Variants in ZNF385B observed in about 807,000 individuals in gnomAD.
The protein encoded by ZNF385B is zinc finger protein 385B, also known as zinc finger protein 533.
Under a neutral mutation model 39.2 loss-of-function variants are expected in ZNF385B, and 23 were observed. That is an observed-to-expected ratio of 0.59 (90% CI 0.42 to 0.83). The LOEUF (loss-of-function observed/expected upper bound fraction) is 0.83. ZNF385B is among the 40% of genes least tolerant of loss of function. The pLI is 0.00. For missense variants in ZNF385B, 552 were observed against 598.9 expected, an observed-to-expected ratio of 0.92 and a Z score of 0.82; for synonymous variants, 205 against 222.6, an observed-to-expected ratio of 0.92 and a Z score of 0.70.
chr2:179,653,989 G>A (rs77179480), intron 3 of ZNF385B, among the ~76,000 whole-genome samples: 36 of 152,326 alleles, frequency 2.4e-4, no homozygotes, highest in African/African-American at 8.4e-4. Context: ...AGTTTTAATA[G>A]AGAAGGGTTA....
chr2:179,765,401 G>A (rs1187551812), intron 3 of ZNF385B, among the ~76,000 whole-genome samples: 1 of 152,182 alleles, frequency 6.6e-6, no homozygotes, highest in Admixed American at 6.5e-5. Context: ...ATTTGGGGTG[G>A]GTTGAGGAGG....
At chr2:179,662,127 T>A (rs569826075) in intron 3 of ZNF385B, among the ~76,000 whole-genome samples, 68 of 152,298 alleles carry the variant, frequency 4.5e-4, no homozygotes, top group Non-Finnish European at 7.1e-4. Context: ...TTTCAGATTG[T>A]CTTGCAAAGT....
At chr2:179,518,913 G>A (rs1004838819) in intron 4 of ZNF385B, among the ~76,000 whole-genome samples, 4 of 152,136 alleles carry the variant, frequency 2.6e-5, no homozygotes, top group African/African-American at 9.7e-5. Flanking sequence ...GTCTCTAGAA[G>A]GAGCCTTGAA....
intron 3 of ZNF385B, among the ~76,000 whole-genome samples, chr2:179,566,193 A>ACTCT (rs1684557033): frequency 1.3e-5 from 2 of 152,250 alleles, no homozygotes; most frequent in Non-Finnish European, 2.9e-5. Flanking sequence ...GATTATGAGA[A>ACTCT]TTACAGAAAC....
At chr2:179,707,573 AG>A (rs2106376855) in intron 3 of ZNF385B, among the ~76,000 whole-genome samples, 1 of 152,360 alleles carries the variant, frequency 6.6e-6, no homozygotes, top group African/African-American at 2.4e-5. Context: ...CCAGCATGAA[AG>A]ACACTATCTT....
intron 3 of ZNF385B, among the ~76,000 whole-genome samples, chr2:179,580,987 G>C (rs1686445151): frequency 6.6e-6 from 1 of 152,174 alleles, no homozygotes; most frequent in Non-Finnish European, 1.5e-5. Flanking sequence ...ATGGGGTTCA[G>C]TATAAACTAC....
intron 3 of ZNF385B, among the ~76,000 whole-genome samples, chr2:179,717,902 G>T (rs1700434208): frequency 7.2e-6 from 1 of 139,018 alleles, no homozygotes; most frequent in South Asian, 2.4e-4. Context: ...TACATCATAT[G>T]TTGTTTATTA....
chr2:179,518,245 A>G (rs540445896), intron 5 of ZNF385B, among the ~76,000 whole-genome samples: 1 of 152,270 alleles, frequency 6.6e-6, no homozygotes, highest in South Asian at 2.1e-4. Context: ...TAAAATTTGT[A>G]TTATTTTTTA....
intron 5 of ZNF385B, among the ~76,000 whole-genome samples, chr2:179,487,830 T>A (rs1400933903): frequency 6.6e-6 from 1 of 152,168 alleles, no homozygotes; most frequent in East Asian, 1.9e-4. Context: ...CCCAAACCAC[T>A]ACACTGACCT....
At chr2:179,445,003 G>A in intron 8 of ZNF385B, 26 bp from the exon 9 acceptor site, 6 of 1,585,188 alleles carry the variant, frequency 3.8e-6, no homozygotes, top group Non-Finnish European at 5.2e-6. Context: ...GCATTAGCTG[G>A]ACTGAAATGT....
chr2:179,446,477 T>G, intron 7 of ZNF385B, 48 bp downstream of exon 7: 1 of 1,561,868 alleles, frequency 6.4e-7, no homozygotes, highest in African/African-American at 1.4e-5. Context: ...ATGGGAAAAG[T>G]TGGGTTTTGT....
intron 6 of ZNF385B, among the ~76,000 whole-genome samples, chr2:179,465,732 T>A (rs772770692): frequency 6.6e-6 from 1 of 152,200 alleles, no homozygotes; most frequent in Non-Finnish European, 1.5e-5. Context: ...TTTACTGATC[T>A]TGACCATTCT....
chr2:179,622,057 T>C (rs1280067355), intron 3 of ZNF385B, among the ~76,000 whole-genome samples: 4 of 152,102 alleles, frequency 2.6e-5, no homozygotes, highest in Non-Finnish European at 5.9e-5. Flanking sequence ...AAGTTACAGC[T>C]CCTCAGCCTG....
chr2:179,534,040 C>T (rs2059417065), intron 4 of ZNF385B, among the ~76,000 whole-genome samples: 1 of 152,316 alleles, frequency 6.6e-6, no homozygotes, highest in Non-Finnish European at 1.5e-5. Flanking sequence ...CCAAATTCAG[C>T]GGCAGCACCT....
At chr2:179,516,776 T>A (rs2058117267) in intron 5 of ZNF385B, among the ~76,000 whole-genome samples, 1 of 152,114 alleles carries the variant, frequency 6.6e-6, no homozygotes, top group African/African-American at 2.4e-5. Context: ...GTCCAATATA[T>A]CAATATTCAC....
intron 3 of ZNF385B, among the ~76,000 whole-genome samples, chr2:179,627,703 CA>C (rs1467293966): frequency 6.6e-6 from 1 of 152,142 alleles, no homozygotes; most frequent in African/African-American, 2.4e-5. Context: ...TACTACAAAT[CA>C]GGGCTTTTTT....
intron 3 of ZNF385B, among the ~76,000 whole-genome samples, chr2:179,714,937 T>A (rs1436482753): frequency 2.2e-5 from 1 of 45,654 alleles, no homozygotes; most frequent in African/African-American, 9.2e-5. Flanking sequence ...AGCGAGATTC[T>A]ATCTCAAAAA....
At chr2:179,486,812 G>A (rs2054619397) in intron 5 of ZNF385B, among the ~76,000 whole-genome samples, 1 of 152,094 alleles carries the variant, frequency 6.6e-6, no homozygotes, top group Non-Finnish European at 1.5e-5. Flanking sequence ...ACTTCTTGTG[G>A]GGAGGAGGTG....
chr2:179,828,010 GT>G (rs1707774850), intron 1 of ZNF385B, among the ~76,000 whole-genome samples: 1 of 152,020 alleles, frequency 6.6e-6, no homozygotes, highest in South Asian at 2.1e-4. Flanking sequence ...GGGTATAACT[GT>G]AAATTATTTG....
Sources: gnomAD v4.1 joint callset for allele counts (sites outside exome capture counted in the v4.1 genomes callset) on GRCh38, gnomAD v4.1.1 for gene constraint, MANE v1.5 for transcripts, NCBI Gene and HGNC (gene_info 2026-07-23, HGNC 2026-07-21) for gene names.